SYNE2: variants seen among roughly 807,000 people sequenced by gnomAD.
SYNE2 encodes spectrin repeat containing nuclear envelope protein 2, also known as nesprin-2.
A neutral mutation model predicts 856.3 loss-of-function variants in SYNE2; 431 were observed. The observed-to-expected ratio is 0.50, with a 90% CI of 0.47 to 0.55. The LOEUF is 0.55. Among genes scored for constraint, SYNE2 ranks in the 20% least tolerant of loss-of-function variants. The probability of loss-of-function intolerance (pLI) is 0.00; values close to 1 mark genes in which losing one functional copy is unlikely to be tolerated. For synonymous variants in SYNE2, 2,923 were observed against 2,872.3 expected (o/e 1.02, Z -0.56); for missense variants, 8,129 against 8,023.2 (o/e 1.01, Z -0.50).
chr14:64,212,670 A>G lies in SYNE2; in HGVS notation c.18862-141A>G, dbSNP rs900958990. 27 of 792,928 alleles carry G rather than the reference A, an allele frequency of 3.4e-5. No homozygotes were observed. The Admixed American group carries it at 5.5e-4, about 16-fold the overall frequency. 49.1% of individuals were successfully genotyped at this position (792,928 alleles called of 1,614,324 possible). On this transcript the variant is annotated intron_variant, in intron 104 of 115. Coordinates refer to ENST00000555002, the MANE Select transcript of SYNE2 (RefSeq NM_182914.3). ...TTAAAATGTCATTGTCACTTAGTTA[A>G]AAACTAAAGCTAGAGTAGTAGGTGA...
intron 87 of SYNE2, 27 bp from the exon 88 acceptor site, chr14:64,162,045 G>T (rs746224663): frequency 3.7e-6 from 6 of 1,613,700 alleles, no homozygotes; most frequent in African/African-American, 2.7e-5. Flanking sequence ...GAGAATGAGG[G>T]TTATGTTATT....
In SYNE2 at chr14:64,218,425, G is replaced by C. The variant is rs776640358; in HGVS notation, c.19570G>C (p.Asp6524His). The C allele has an allele frequency of 1.2e-6, 2 of 1,613,962 alleles. No individual in the cohort carries two copies. Among genetic ancestry groups the C allele is most frequent in the East Asian group, 4.5e-5 (2 of 44,892 alleles). ...YGKLLLPPGT[D>H]GGKEGPRVLN... ...AAAGCTACTATTACCTCCAGGCACG[G>C]ATGGTGGCAAAGAAGGCCCGCGAGT... Residue 6524 changes from aspartate (D) to histidine (H), a missense_variant, in exon 109 of 116, where the codon GAT becomes CAT. Asp to His is a moderately conservative substitution (Grantham distance 81). This residue lies in a region of SYNE2 where 5,410 missense variants were observed against 5,284.8 expected (regional missense o/e 1.02). Coordinates refer to ENST00000555002, the MANE Select transcript of SYNE2 (RefSeq NM_182914.3).
intron 1 of SYNE2, among the ~76,000 whole-genome samples, chr14:63,845,646 G>A (rs528514018): frequency 4.0e-5 from 6 of 151,010 alleles, no homozygotes; most frequent in South Asian, 2.1e-4. Context: ...TTTTACTTTC[G>A]CTTTTCTTTT....
At chr14:64,111,523 G>A (rs1353936164) in intron 65 of SYNE2, among the ~76,000 whole-genome samples, 1 of 152,012 alleles carries the variant, frequency 6.6e-6, no homozygotes, top group Non-Finnish European at 1.5e-5. Context: ...TCAGGGCCAG[G>A]CGCTGTGGCT....
chr14:64,183,443 G>A (rs1348111740), intron 96 of SYNE2, among the ~76,000 whole-genome samples: 2 of 151,930 alleles, frequency 1.3e-5, no homozygotes, highest in Non-Finnish European at 2.9e-5. Flanking sequence ...TGGGCAGCCA[G>A]GCAGAGGGGC....
intron 94 of SYNE2, chr14:64,173,982 C>T: frequency 4.4e-6 from 3 of 681,674 alleles, no homozygotes; most frequent in Non-Finnish European, 7.9e-6. Context: ...GCGGAGCGGC[C>T]CTGCTCTGCA....
In SYNE2 at chr14:64,025,112, G is replaced by C. The variant is rs1455721084; in HGVS notation, c.5961-18G>C. On this transcript the variant is annotated intron_variant, in intron 40 of 115. Transcript: ENST00000555002. ...GTGGTTACTCCTATAAACTTTAAGT[G>C]GTATTTGGAATTTACAGGGAACAGT... 3 of 1,613,848 alleles carry C rather than the reference G, an allele frequency of 1.9e-6. No individual in the cohort carries two copies. The African/African-American group carries it at 4.0e-5, about 22-fold the overall frequency.
At chr14:63,802,423 T>G (rs1346330525) in intron 1 of SYNE2, among the ~76,000 whole-genome samples, 1 of 152,032 alleles carries the variant, frequency 6.6e-6, no homozygotes, top group Admixed American at 6.6e-5. Flanking sequence ...TTGTTTTTGA[T>G]TTTACAGGCT....
intron 57 of SYNE2, 118 bp downstream of exon 57, chr14:64,081,698 T>C (rs1390809984): frequency 1.1e-5 from 13 of 1,176,412 alleles, no homozygotes; most frequent in African/African-American, 1.5e-5. Context: ...CCGCTAACCA[T>C]GTCAGTGGCA....
chr14:63,979,804 G>A (rs932636818), intron 14 of SYNE2, among the ~76,000 whole-genome samples: 35 of 152,308 alleles, frequency 2.3e-4, no homozygotes, highest in African/African-American at 8.2e-4. Flanking sequence ...GGAGGCTGAG[G>A]CAGGAGCATC....
chr14:64,140,505 C>A (rs569529857), intron 80 of SYNE2, among the ~76,000 whole-genome samples: 1 of 152,166 alleles, frequency 6.6e-6, no homozygotes, highest in African/African-American at 2.4e-5. Context: ...TCACTTGAAC[C>A]GCGGTGGGTG....
At chr14:63,792,582 T>C (rs993180940) in intron 1 of SYNE2, among the ~76,000 whole-genome samples, 1 of 152,160 alleles carries the variant, frequency 6.6e-6, no homozygotes, top group Non-Finnish European at 1.5e-5. Context: ...GGAATAACTA[T>C]ATTTATATCA....
At chr14:63,940,052 G>T (rs2095886282) in intron 2 of SYNE2, among the ~76,000 whole-genome samples, 1 of 148,728 alleles carries the variant, frequency 6.7e-6, no homozygotes. Context: ...CTGTCAAGGT[G>T]GTATAGGGTC....
chr14:63,908,502 G>T (rs1287504479), intron 1 of SYNE2, among the ~76,000 whole-genome samples: 1 of 152,282 alleles, frequency 6.6e-6, no homozygotes, highest in East Asian at 1.9e-4. Context: ...AAGAATCAAG[G>T]TGGGGCGAGG....
chr14:63,921,317 A>T (rs1427226017), intron 2 of SYNE2, among the ~76,000 whole-genome samples: 1 of 152,158 alleles, frequency 6.6e-6, no homozygotes, highest in African/African-American at 2.4e-5. Flanking sequence ...CAACAATGGG[A>T]TATATAGGAG....
chr14:63,849,359 C>T (rs1173274513), upstream of SYNE2, among the ~76,000 whole-genome samples: 2 of 150,574 alleles, frequency 1.3e-5, no homozygotes, highest in Admixed American at 1.3e-4. Flanking sequence ...AATATTATAC[C>T]TGCTTCTTCA....
At chr14:64,190,783 T>C (rs1006479223) in intron 99 of SYNE2, 6 of 658,660 alleles carry the variant, frequency 9.1e-6, no homozygotes, top group Non-Finnish European at 1.4e-5. Context: ...CAGTCCTAAA[T>C]CAAAGGACCA....
chr14:63,960,120 CTAAA>C (rs2096291219), intron 8 of SYNE2, among the ~76,000 whole-genome samples: 1 of 152,194 alleles, frequency 6.6e-6, no homozygotes, highest in Admixed American at 6.5e-5. Context: ...AAAGCAATAT[CTAAA>C]TAAGCCAATA....
intron 59 of SYNE2, among the ~76,000 whole-genome samples, chr14:64,090,332 G>A (rs1232002330): frequency 1.3e-5 from 2 of 152,174 alleles, no homozygotes; most frequent in Non-Finnish European, 2.9e-5. Flanking sequence ...TATTATATGA[G>A]ATATGACTTA....
Sources: gnomAD v4.1 joint callset for allele counts (sites outside exome capture counted in the v4.1 genomes callset) on GRCh38, gnomAD v4.1.1 for gene constraint, gnomAD v4.1.1 regional missense constraint, MANE v1.5 for transcripts, NCBI Gene and HGNC (gene_info 2026-07-23, HGNC 2026-07-21) for gene names.